Variants in ADAMTSL1 observed in about 807,000 individuals in gnomAD.
The protein encoded by ADAMTSL1 is ADAMTS-like protein 1.
A neutral mutation model predicts 201.8 loss-of-function variants in ADAMTSL1; 126 were observed. The ratio of observed to expected loss-of-function variants is 0.62; its 90% CI spans 0.54 to 0.72. The LOEUF (loss-of-function observed/expected upper bound fraction) is 0.72. Among genes scored for constraint, ADAMTSL1 ranks in the 30% least tolerant of loss-of-function variants. The pLI is 0.00. For missense variants in ADAMTSL1, 2,679 were observed against 2,277.8 expected (o/e 1.18, Z -3.59); for synonymous variants, 1,121 against 903.4 (o/e 1.24, Z -4.32).
intron 2 of ADAMTSL1, among the ~76,000 whole-genome samples, chr9:18,167,764 T>A (rs1471997497): frequency 6.6e-6 from 1 of 152,004 alleles, no homozygotes; most frequent in Admixed American, 6.6e-5. Flanking sequence ...AATATTAGAA[T>A]GTAAGCACTA....
At chr9:18,784,322 A>G (rs1297834212) in intron 19 of ADAMTSL1, among the ~76,000 whole-genome samples, 1 of 152,258 alleles carries the variant, frequency 6.6e-6, no homozygotes, top group East Asian at 1.9e-4. Flanking sequence ...CCTATATTTA[A>G]GAATGTGTCT....
intron 2 of ADAMTSL1, among the ~76,000 whole-genome samples, chr9:18,428,314 C>G (rs1459995403): frequency 6.6e-6 from 1 of 151,620 alleles, no homozygotes; most frequent in Non-Finnish European, 1.5e-5. Context: ...GTTTGCCATC[C>G]CACATCTATC....
chr9:17,975,338 T>C (rs1392266744), intron 1 of ADAMTSL1, among the ~76,000 whole-genome samples: 1 of 152,064 alleles, frequency 6.6e-6, no homozygotes, highest in Non-Finnish European at 1.5e-5. Flanking sequence ...ATTTATTTCT[T>C]ACAGTTCTTG....
chr9:18,353,925 G>A (rs1033109626), intron 2 of ADAMTSL1, among the ~76,000 whole-genome samples: 17 of 151,684 alleles, frequency 1.1e-4, no homozygotes, highest in African/African-American at 3.1e-4. Flanking sequence ...ATTAAAAGTC[G>A]TAATCTAACC....
chr9:18,031,062 G>C (rs1056461159), intron 1 of ADAMTSL1, among the ~76,000 whole-genome samples: 2 of 151,954 alleles, frequency 1.3e-5, no homozygotes, highest in Non-Finnish European at 2.9e-5. Flanking sequence ...TAAACTCTTG[G>C]ATTGTTTTAC....
At chr9:18,732,766 AGAGTTAAGGCACAGGGCATCT>A (rs753303162) in intron 15 of ADAMTSL1, among the ~76,000 whole-genome samples, 48 of 152,234 alleles carry the variant, frequency 3.2e-4, no homozygotes, top group Non-Finnish European at 5.6e-4. Flanking sequence ...ACATCATGGT[AGAGTTAAGGCACAGGGCATCT>A]TGTCCCCATA....
intron 9 of ADAMTSL1, among the ~76,000 whole-genome samples, chr9:18,663,612 A>T (rs10115066): frequency 0.3 from 46,056 of 151,924 alleles, 6,981 homozygotes; most frequent in Middle Eastern, 0.35. Context: ...AGTCAGCCCT[A>T]GAGAGACCTT....
intron 7 of ADAMTSL1, 117 bp from the exon 8 acceptor site, chr9:18,657,522 C>A: frequency 1.5e-6 from 1 of 689,284 alleles, no homozygotes; most frequent in Non-Finnish European, 2.6e-6. Context: ...TCCCGCAGTG[C>A]AGTCCCTCAC....
At chr9:18,435,751 C>G (rs1244320017) in intron 2 of ADAMTSL1, among the ~76,000 whole-genome samples, 1 of 152,180 alleles carries the variant, frequency 6.6e-6, no homozygotes, top group African/African-American at 2.4e-5. Context: ...AGGAACAAGT[C>G]ACATCTTACG....
rs76456235 is a variant in ADAMTSL1, at chr9:18,811,012, C to CAAAAAAAAAA, written c.3806-6083_3806-6074dup. On this transcript the variant is annotated intron_variant, in intron 20 of 28. Transcript: ENST00000380548. ...GCTACTGGTAAACACCAATGAGTAC[C>CAAAAAAAAAA]AAAAAAAAAAAAAAAAAAAAAAACA... 1.8e-4 allele frequency among the ~76,000 whole-genome samples: 7 copies of CAAAAAAAAAA among 38,774 alleles called. 1 individual carries two copies. The highest frequency in any genetic ancestry group is 2.6e-4 in the Non-Finnish European group (6 of 23,002). 25.4% of individuals were successfully genotyped at this position (38,774 alleles called of 152,430 possible).
chr9:17,924,392 G>T (rs2131300788), intron 1 of ADAMTSL1, among the ~76,000 whole-genome samples: 1 of 152,204 alleles, frequency 6.6e-6, no homozygotes, highest in South Asian at 2.1e-4. Flanking sequence ...ATTTCGTCTA[G>T]ATTTTCTAGT....
chr9:18,230,932 C>T (rs1830624678), intron 2 of ADAMTSL1, among the ~76,000 whole-genome samples: 1 of 152,098 alleles, frequency 6.6e-6, no homozygotes, highest in Admixed American at 6.6e-5. Context: ...CTAGGATTTT[C>T]CTCCTTGGGG....
intron 2 of ADAMTSL1, among the ~76,000 whole-genome samples, chr9:18,448,351 A>C (rs983117773): frequency 2.6e-5 from 4 of 152,192 alleles, no homozygotes; most frequent in Non-Finnish European, 4.4e-5. Flanking sequence ...AATTATTGCT[A>C]TTGTAACCAC....
intron 2 of ADAMTSL1, among the ~76,000 whole-genome samples, chr9:18,261,316 G>A (rs571600903): frequency 1.1e-3 from 165 of 152,224 alleles, no homozygotes; most frequent in African/African-American, 3.9e-3. Flanking sequence ...ATATCACAGG[G>A]ATCCGTTTGC....
chr9:17,956,830 G>A (rs1360304909), intron 1 of ADAMTSL1, among the ~76,000 whole-genome samples: 1 of 152,148 alleles, frequency 6.6e-6, no homozygotes, highest in Admixed American at 6.6e-5. Flanking sequence ...TGAGCTCAGG[G>A]GGTCTGGGAT....
At chr9:18,160,170 T>C (rs1254352262) in intron 1 of ADAMTSL1, among the ~76,000 whole-genome samples, 1 of 152,016 alleles carries the variant, frequency 6.6e-6, no homozygotes, top group East Asian at 1.9e-4. Flanking sequence ...AATGCTTTGG[T>C]GTGCCATGAA....
intron 1 of ADAMTSL1, among the ~76,000 whole-genome samples, chr9:17,955,087 CGT>C (rs1348899971): frequency 1.3e-5 from 2 of 152,016 alleles, no homozygotes; most frequent in South Asian, 2.1e-4. Context: ...TATTTGATGC[CGT>C]GTGTGTATAC....
intron 2 of ADAMTSL1, among the ~76,000 whole-genome samples, chr9:18,380,989 T>C (rs1036286273): frequency 1.2e-4 from 19 of 152,226 alleles, no homozygotes; most frequent in Admixed American, 1.1e-3. Context: ...TGTCTCCTGC[T>C]AGTTCATCTC....
At chr9:18,176,505 C>G (rs1372920473) in intron 2 of ADAMTSL1, among the ~76,000 whole-genome samples, 2 of 152,056 alleles carry the variant, frequency 1.3e-5, no homozygotes, top group Non-Finnish European at 2.9e-5. Context: ...GCCTTAAGCA[C>G]TTTGAATACA....
Sources: gnomAD v4.1 joint callset for allele counts (sites outside exome capture counted in the v4.1 genomes callset) on GRCh38, gnomAD v4.1.1 for gene constraint, MANE v1.5 for transcripts, NCBI Gene and HGNC (gene_info 2026-07-23, HGNC 2026-07-21) for gene names.